Variants in SH3YL1 observed in about 807,000 individuals in gnomAD.
SH3YL1 encodes SH3 domain-containing YSC84-like protein 1.
In SH3YL1, 41 loss-of-function variants were observed where a neutral mutation model predicts 45.8. The ratio of observed to expected loss-of-function variants is 0.89; its 90% confidence interval spans 0.70 to 1.16. The LOEUF is 1.16. Among genes scored for constraint, SH3YL1 ranks in the 50% most tolerant of loss-of-function variants. SH3YL1 has a pLI of 0.00. For missense variants in SH3YL1, 389 were observed against 409.6 expected, an observed-to-expected ratio of 0.95 and a Z score of 0.43; for synonymous variants, 152 against 151.4, an observed-to-expected ratio of 1.00 and a Z score of -0.03.
intron 7 of SH3YL1, chr2:230,410 A>G (rs1222865273): frequency 5.6e-6 from 1 of 179,338 alleles, no homozygotes; most frequent in African/African-American, 2.4e-5. Context: ...TGAAACAGGC[A>G]TCATACCAAC....
chr2:250,632 T>G (rs1669033728), intron 2 of SH3YL1, among the ~76,000 whole-genome samples: 1 of 152,224 alleles, frequency 6.6e-6, no homozygotes, highest in South Asian at 2.1e-4. Flanking sequence ...TTTAACTTAT[T>G]ATTATTTTTA....
At chr2:254,769 A>C (rs1669239868) in intron 1 of SH3YL1, among the ~76,000 whole-genome samples, 1 of 152,182 alleles carries the variant, frequency 6.6e-6, no homozygotes, top group Admixed American at 6.6e-5. Flanking sequence ...TGTGGACAAC[A>C]GATGGAACTC....
At chr2:241,146 T>C (rs1284813691) in intron 4 of SH3YL1, 4 of 152,084 alleles carry the variant, frequency 2.6e-5, no homozygotes, top group Admixed American at 6.5e-5. Flanking sequence ...TAAAGAAAAC[T>C]ATGGTTAAGA....
chr2:249,583 A>G, intron 3 of SH3YL1, 148 bp downstream of exon 3: 1 of 584,398 alleles, frequency 1.7e-6, no homozygotes, highest in Non-Finnish European at 3.0e-6. Flanking sequence ...CTGACACCAA[A>G]CTGCACGTTC....
chr2:226,424 C>G (rs982888610), intron 8 of SH3YL1, among the ~76,000 whole-genome samples: 1 of 152,130 alleles, frequency 6.6e-6, no homozygotes, highest in African/African-American at 2.4e-5. Context: ...AAAACACCAG[C>G]AATTTATATG....
At chr2:245,764 G>C (rs1225433418) in intron 4 of SH3YL1, among the ~76,000 whole-genome samples, 1 of 152,010 alleles carries the variant, frequency 6.6e-6, no homozygotes, top group Non-Finnish European at 1.5e-5. Context: ...CCATGGCCCA[G>C]GATGGTCTTA....
chr2:231,446 C>A (rs1668039628), intron 6 of SH3YL1, among the ~76,000 whole-genome samples: 1 of 152,078 alleles, frequency 6.6e-6, no homozygotes, highest in South Asian at 2.1e-4. Flanking sequence ...AAAAGCACAT[C>A]CACATTATCA....
At chr2:262,607 T>C in intron 1 of SH3YL1, 1 of 1,304,246 alleles carries the variant, frequency 7.7e-7, no homozygotes, top group Non-Finnish European at 1.0e-6. Flanking sequence ...GCAGAGAATT[T>C]TGTCTTATCA....
rs1372513124 is a variant in SH3YL1 at position 227,532 on chromosome 2, C to T, written c.781+2434G>A. Among the ~76,000 whole-genome samples, 7 of 152,002 alleles carry T rather than the reference C, an allele frequency of 4.6e-5. No individual in the cohort carries two copies. The South Asian group carries it at 1.2e-3, about 27-fold the overall frequency. On this transcript the variant is annotated intron_variant, in intron 8 of 9. Coordinates refer to ENST00000356150, the MANE Select transcript of SH3YL1 (RefSeq NM_015677.4). Reference sequence around the variant, plus strand: ...ATACCAGTTGACTTAGGGATTTCTACGCGGAGTTGTTGAGCAAAACAAACC... The same window carrying T: ...ATACCAGTTGACTTAGGGATTTCTATGCGGAGTTGTTGAGCAAAACAAACC...
At chr2:243,178 C>T (rs910597560) in intron 4 of SH3YL1, among the ~76,000 whole-genome samples, 15 of 151,978 alleles carry the variant, frequency 9.9e-5, no homozygotes, top group African/African-American at 3.4e-4. Context: ...CCAACTAGAC[C>T]CAATGGACTC....
chr2:246,494 G>A (rs1490797464), intron 4 of SH3YL1, among the ~76,000 whole-genome samples: 2 of 152,000 alleles, frequency 1.3e-5, no homozygotes, highest in Non-Finnish European at 2.9e-5. Flanking sequence ...AGAGGGTTGT[G>A]GGAAGAACAG....
intron 1 of SH3YL1, among the ~76,000 whole-genome samples, chr2:254,832 G>C (rs1233309801): frequency 1.3e-5 from 2 of 152,120 alleles, no homozygotes; most frequent in Admixed American, 1.3e-4. Context: ...TGTTTCCTTT[G>C]CCCTGTTGTT....
At chr2:242,253 A>G (rs1435502609) in intron 4 of SH3YL1, 1 of 152,098 alleles carries the variant, frequency 6.6e-6, no homozygotes, top group Non-Finnish European at 1.5e-5. Flanking sequence ...CAATGAGTAA[A>G]TACTTGCTCT....
At chr2:235,041 A>G (rs1301812284) in intron 4 of SH3YL1, among the ~76,000 whole-genome samples, 3 of 151,986 alleles carry the variant, frequency 2.0e-5, no homozygotes, top group African/African-American at 7.3e-5. Context: ...ATGTCCGGCT[A>G]ATTTTTTGTA....
At position 224,317 on chromosome 2, in the gene SH3YL1, C is replaced by T. The variant is rs114416244; in HGVS notation, c.838+547G>A. Among the ~76,000 whole-genome samples, 384 of 152,042 alleles carry T rather than the reference C, an allele frequency of 2.5e-3. 3 individuals are homozygous for T. Among genetic ancestry groups the T allele is most frequent in the Middle Eastern group, 6.8e-3 (2 of 294 alleles). ...CTTAACAAGTTTTATAAAGTAGTTT[C>T]CAGTAATAACAAAACATTTGAATGT... On this transcript the variant is annotated intron_variant, in intron 9 of 9. Coordinates refer to ENST00000356150, the MANE Select transcript of SH3YL1 (RefSeq NM_015677.4).
At chr2:247,797 A>G (rs1165077467) in intron 3 of SH3YL1, among the ~76,000 whole-genome samples, 195 bp from the exon 4 acceptor site, 2 of 152,236 alleles carry the variant, frequency 1.3e-5, no homozygotes, top group Admixed American at 6.5e-5. Flanking sequence ...AAAGTATTAG[A>G]TATTCATTAT....
At chr2:230,096 T>A in intron 7 of SH3YL1, 52 bp from the exon 8 acceptor site, 2 of 1,404,252 alleles carry the variant, frequency 1.4e-6, no homozygotes, top group Non-Finnish European at 2.0e-6. Flanking sequence ...TTGTTTTTAC[T>A]TAGGCACATA....
intron 9 of SH3YL1, among the ~76,000 whole-genome samples, chr2:221,850 C>A (rs1014523296): frequency 6.6e-6 from 1 of 152,192 alleles, no homozygotes; most frequent in African/African-American, 2.4e-5. Context: ...GATAACAATC[C>A]ACAAGCCAGT....
intron 8 of SH3YL1, among the ~76,000 whole-genome samples, chr2:229,526 G>GA (rs1667934932): frequency 6.6e-6 from 1 of 151,834 alleles, no homozygotes; most frequent in African/African-American, 2.4e-5. Flanking sequence ...TCAGGAGATC[G>GA]AGACCATCCC....
Sources: gnomAD v4.1 joint callset for allele counts (sites outside exome capture counted in the v4.1 genomes callset) on GRCh38, gnomAD v4.1.1 for gene constraint, MANE v1.5 for transcripts, NCBI Gene and HGNC (gene_info 2026-07-23, HGNC 2026-07-21) for gene names.